Variants in ENDOU observed in about 807,000 individuals in gnomAD.
ENDOU encodes the protein endonuclease, poly(U) specific, also known as uridylate-specific endoribonuclease.
ENDOU carries 49 observed loss-of-function variants against 54.2 expected under a neutral mutation model. The ratio of observed to expected loss-of-function variants is 0.90; its 90% CI spans 0.72 to 1.15. The LOEUF is 1.15. ENDOU is among the 50% of genes most tolerant of loss of function. The pLI, the probability that ENDOU is intolerant of heterozygous loss-of-function variation, is 0.00. For synonymous variants in ENDOU, 172 were observed against 190.5 expected (o/e 0.90, Z 0.80); for missense variants, 458 against 511.4 (o/e 0.90, Z 1.01).
rs539139528 is a variant in ENDOU at position 47,714,700 on chromosome 12, T to C, written c.752-1312A>G. Among the ~76,000 whole-genome samples, 101 of 152,310 alleles carry C rather than the reference T, an allele frequency of 6.6e-4. 1 individual carries two copies. The highest frequency in any genetic ancestry group is 2.3e-3 in the African/African-American group (97 of 41,550). ...GGGAAGACCCAGAGAGGAGCAGGTA[T>C]TTTTGATGGGAACCAAAAATTATTT... On this transcript the variant is annotated intron_variant, in intron 6 of 9. Coordinates refer to ENST00000422538, the MANE Select transcript of ENDOU (RefSeq NM_001172439.2).
In ENDOU at chr12:47,712,552, A is replaced by G; in HGVS notation, c.936T>C (p.Gly312=). The change falls in exon 8 of 10, where the codon GGT becomes GGC. Residue 312 remains glycine, a synonymous_variant. Coordinates refer to ENST00000422538, the MANE Select transcript of ENDOU (RefSeq NM_001172439.2). ...WIRFYLEEKE[G]LVDYYSHIYD... is the part of the protein sequence containing the mutation. Reference sequence around the variant, plus strand: ...AGATGTGACTGTAATAGTCAACCAGACCCTCCTTCTCCTCCAGGTAGAAGC... The same window carrying G: ...AGATGTGACTGTAATAGTCAACCAGGCCCTCCTTCTCCTCCAGGTAGAAGC... 1 of 1,613,724 alleles carries G rather than the reference A, an allele frequency of 6.2e-7. No individual in the cohort carries two copies. The highest frequency in any genetic ancestry group is 1.1e-5 in the South Asian group (1 of 91,036).
At chr12:47,714,426 G>C (rs1257665017) in intron 6 of ENDOU, among the ~76,000 whole-genome samples, 1 of 152,256 alleles carries the variant, frequency 6.6e-6, no homozygotes, top group African/African-American at 2.4e-5. Flanking sequence ...TGGAAGCAGA[G>C]AGACCAGTCT....
chr12:47,718,113 G>C lies in ENDOU; in HGVS notation c.244+16C>G. ...TGCTTTATCTTGAGGGCCCCCCTTT[G>C]GGGAGGCAGGCTCACTGCTGGCGAG... On this transcript the variant is annotated intron_variant, in intron 3 of 9. Coordinates refer to ENST00000422538, the MANE Select transcript of ENDOU (RefSeq NM_001172439.2). 6.4e-7 allele frequency: 1 copy of C among 1,557,544 alleles called. No individual in the cohort carries two copies. The highest frequency in any genetic ancestry group is 1.2e-5 in the South Asian group (1 of 84,698).
Position 47,720,821 on chromosome 12 carries a change from G to T in ENDOU, c.110C>A (p.Ala37Asp). 6.5e-7 allele frequency: 1 copy of T among 1,536,118 alleles called. No individual in the cohort carries two copies. The highest frequency in any genetic ancestry group is 8.7e-7 in the Non-Finnish European group (1 of 1,146,888). ...RCNEKFNRDA[A>D]CQCDRRCLWH... is the part of the protein sequence containing the mutation. ...GAGACACCGGCGGTCACACTGGCAGGCAGCGTCCCGGTTAAATTTCTCATT... is the reference window on the plus strand; with the variant it reads ...GAGACACCGGCGGTCACACTGGCAGTCAGCGTCCCGGTTAAATTTCTCATT... The change falls in exon 2 of 10, where the codon GCC becomes GAC. Residue 37 changes from alanine (A) to aspartate (D), a missense_variant. Transcript: ENST00000422538.
intron 2 of ENDOU, 125 bp from the exon 3 acceptor site, chr12:47,718,319 G>T: frequency 1.3e-6 from 1 of 741,028 alleles, no homozygotes. Context: ...TTCTGAACAG[G>T]GGCTGGGGTC....
At chr12:47,723,539 A>G (rs1319262352) in intron 1 of ENDOU, among the ~76,000 whole-genome samples, 2 of 151,992 alleles carry the variant, frequency 1.3e-5, no homozygotes, top group Non-Finnish European at 2.9e-5. Flanking sequence ...TCTTCATCTG[A>G]GCCTTTCCTC....
chr12:47,712,607 C>A lies in ENDOU; in HGVS notation c.881G>T (p.Gly294Val). 6.2e-7 allele frequency: 1 copy of A among 1,613,622 alleles called. No homozygotes were observed. The highest frequency in any genetic ancestry group is 8.5e-7 in the Non-Finnish European group (1 of 1,179,606). The change falls in exon 8 of 10, where the codon GGC (glycine) becomes GTC (valine). Residue 294 changes from glycine to valine, a missense_variant. By Grantham distance (109) the Gly-to-Val change is moderately radical. Coordinates refer to ENST00000422538, the MANE Select transcript of ENDOU (RefSeq NM_001172439.2). The part of the protein sequence containing the change: ...EHVFSGEVKK[G>V]KVTGFHNWIR... ...CCAGTTATGGAAGCCAGTAACCTTG[C>A]CTTTTTTTACCTCACCTATAATAAA...
chr12:47,723,901 T>C (rs1246600965), intron 1 of ENDOU, among the ~76,000 whole-genome samples: 1 of 152,202 alleles, frequency 6.6e-6, no homozygotes, highest in Non-Finnish European at 1.5e-5. Context: ...CCTGAGGCTG[T>C]CAGTGATTCC....
intron 1 of ENDOU, 106 bp from the exon 2 acceptor site, chr12:47,720,981 G>A (rs1940416897): frequency 1.8e-6 from 2 of 1,086,272 alleles, no homozygotes; most frequent in Non-Finnish European, 2.6e-6. Flanking sequence ...TACCTGGCAG[G>A]GAAGGGCATT....
At chr12:47,711,853 C>G (rs1940027762) in intron 8 of ENDOU, 78 bp from the exon 9 acceptor site, 1 of 1,522,362 alleles carries the variant, frequency 6.6e-7, no homozygotes, top group Non-Finnish European at 9.0e-7. Flanking sequence ...TGGCAACAGT[C>G]AGACAGTATT....
rs754958112 is a variant in ENDOU at position 47,725,388 on chromosome 12, A to G, written c.26T>C (p.Leu9Ser). ...CCAGGCCAGGCCACACAGCACGGCC[A>G]ATACCAGGGAGATGCAGGCCCTCAT... MRACISLV[L>S]AVLCGLAWAG... The change falls in exon 1 of 10, where the codon TTG (leucine) becomes TCG (serine). Residue 9 changes from leucine to serine, a missense_variant. Physicochemically the swap from Leu to Ser is moderately radical, Grantham distance 145. Transcript: ENST00000422538. 6.2e-7 allele frequency: 1 copy of G among 1,614,222 alleles called. No individual in the cohort carries two copies. Among genetic ancestry groups the G allele is most frequent in the South Asian group, 1.1e-5 (1 of 91,090 alleles).
In ENDOU at chr12:47,725,480, A is replaced by C. The variant is rs1940557269; in HGVS notation, c.-67T>G. 2 of 1,482,418 alleles carry C rather than the reference A, an allele frequency of 1.3e-6. No individual in the cohort carries two copies. The highest frequency in any genetic ancestry group is 4.6e-5 in the East Asian group (2 of 43,768). The allele number at this position is 1,482,418 out of a possible 1,614,324, so 91.8% of individuals were successfully genotyped here. ...TTCACTAGAGTCAGATGAATGTCAC[A>C]GCTCTCAGACGAGCCTTATTCCTCA... On this transcript the variant is annotated 5_prime_UTR_variant, in exon 1 of 10. Transcript: ENST00000422538.
chr12:47,724,809 G>A (rs1026378321), intron 1 of ENDOU, among the ~76,000 whole-genome samples: 12 of 152,188 alleles, frequency 7.9e-5, no homozygotes, highest in Non-Finnish European at 5.9e-5. Context: ...CTGCAACAGA[G>A]ATCCATTCCT....
At chr12:47,712,858 C>G (rs1441362368) in intron 7 of ENDOU, among the ~76,000 whole-genome samples, 1 of 152,110 alleles carries the variant, frequency 6.6e-6, no homozygotes, top group Non-Finnish European at 1.5e-5. Flanking sequence ...CTGATGACCT[C>G]TCTCAGCCAT....
At chr12:47,713,612 G>T (rs1271319553) in intron 6 of ENDOU, among the ~76,000 whole-genome samples, 1 of 152,150 alleles carries the variant, frequency 6.6e-6, no homozygotes, top group African/African-American at 2.4e-5. Flanking sequence ...CAAGGACACG[G>T]TCTCTATCTA....
intron 1 of ENDOU, among the ~76,000 whole-genome samples, chr12:47,721,756 G>A (rs764050140): frequency 3.9e-5 from 6 of 152,228 alleles, no homozygotes; most frequent in Non-Finnish European, 8.8e-5. Context: ...TGAAGGAACA[G>A]TGGAAACCCA....
intron 5 of ENDOU, 101 bp from the exon 6 acceptor site, chr12:47,716,600 G>T: frequency 9.0e-7 from 1 of 1,113,734 alleles, no homozygotes; most frequent in Non-Finnish European, 1.3e-6. Flanking sequence ...GCGAGGGCTG[G>T]GTTCAGGAGC....
At chr12:47,723,082 A>G (rs75228292) in intron 1 of ENDOU, among the ~76,000 whole-genome samples, 1,570 of 152,308 alleles carry the variant, frequency 0.01, 6 homozygotes, top group Non-Finnish European at 0.018. Context: ...GAGTCCAGGG[A>G]AAGAATTCAC....
chr12:47,719,786 GGT>G (rs1472717583), intron 2 of ENDOU: 1 of 152,108 alleles, frequency 6.6e-6, no homozygotes, highest in African/African-American at 2.4e-5. Context: ...TAATACATAT[GGT>G]GTTTTTGTAT....
Sources: allele counts gnomAD v4.1 joint callset (sites outside exome capture counted in the v4.1 genomes callset), GRCh38; gene constraint gnomAD v4.1.1; transcripts MANE v1.5; gene names NCBI Gene and HGNC (gene_info 2026-07-23, HGNC 2026-07-21).